Variants in AMMECR1 observed in about 807,000 individuals in gnomAD.
The protein encoded by AMMECR1 is nuclear protein AMMECR1.
Under a neutral mutation model 22.5 loss-of-function variants are expected in AMMECR1, and 3 were observed. The ratio of observed to expected loss-of-function variants is 0.13; its 90% CI spans 0.06 to 0.35. The LOEUF (loss-of-function observed/expected upper bound fraction) is 0.35, where lower values mean the gene tolerates loss of function less well. Among genes scored for constraint, AMMECR1 ranks in the 10% least tolerant of loss-of-function variants. The probability of loss-of-function intolerance (pLI) is 1.00; values close to 1 mark genes in which losing one functional copy is unlikely to be tolerated. For synonymous variants in AMMECR1, 130 were observed against 116.7 expected, an observed-to-expected ratio of 1.11 and a Z score of -0.74; for missense variants, 235 against 278.7, an observed-to-expected ratio of 0.84 and a Z score of 1.12.
At chrX:110,253,069 G>A (rs745553919) in intron 2 of AMMECR1, among the ~76,000 whole-genome samples, 1 of 112,025 alleles carries the variant, frequency 8.9e-6, no homozygotes, top group East Asian at 2.8e-4. Context: ...CCCTGGCGGG[G>A]ACCATGCTTG....
chrX:110,432,511 TG>T (rs2068804937), intron 1 of AMMECR1, among the ~76,000 whole-genome samples: 1 of 111,946 alleles, frequency 8.9e-6, no homozygotes, highest in Non-Finnish European at 1.9e-5. Flanking sequence ...GAGGCAGCGT[TG>T]GGGGCCGTCA....
At chrX:110,401,156 G>T (rs1287346710) in intron 2 of AMMECR1, among the ~76,000 whole-genome samples, 1 of 112,431 alleles carries the variant, frequency 8.9e-6, no homozygotes, top group Non-Finnish European at 1.9e-5. Flanking sequence ...TACATAGCAA[G>T]TAGGCTGCAA....
chrX:110,288,042 G>T (rs962645107), intron 1 of AMMECR1, among the ~76,000 whole-genome samples: 1 of 112,123 alleles, frequency 8.9e-6, no homozygotes, highest in African/African-American at 3.2e-5. Context: ...TAAGAAAATA[G>T]CTATGAATGA....
chrX:110,431,762 A>C (rs1233571354), intron 1 of AMMECR1, among the ~76,000 whole-genome samples: 3 of 111,672 alleles, frequency 2.7e-5, no homozygotes, highest in African/African-American at 9.8e-5. Context: ...ACCAGGACTC[A>C]CTGCTAGAAA....
Position 110,290,183 on chromosome X carries a change from C to T in AMMECR1, c.474-25584G>A, listed in dbSNP as rs60283568. 3.6e-3 allele frequency among the ~76,000 whole-genome samples: 405 copies of T among 111,547 alleles called. 3 individuals carry two copies. Among genetic ancestry groups the T allele is most frequent in the Admixed American group, 0.024 (258 of 10,538 alleles). On this transcript the variant is annotated intron_variant, in intron 1 of 5. Coordinates refer to ENST00000262844, the MANE Select transcript of AMMECR1 (RefSeq NM_015365.3). ...CAATGCTTTCCCAGTAACAGTCATC[C>T]CCTATAATGAAAAAATATTTATGTG... is the stretch of plus-strand genomic sequence containing the variant.
In AMMECR1 at chrX:110,420,730, A is replaced by G. The variant is rs1028725956; in HGVS notation, c.-148+5928T>C. On this transcript the variant is annotated intron_variant, in intron 2 of 7. Transcript: ENST00000372057. ...TGGTTTTTTAAACAGAATTTGCTTC[A>G]GTCAGTGCTGCACCACATTTTCCCA... Among the ~76,000 whole-genome samples, 5 of 112,103 alleles carry G rather than the reference A, an allele frequency of 4.5e-5. No homozygotes were observed. The East Asian group carries it at 1.4e-3, about 31-fold the overall frequency.
intron 1 of AMMECR1, among the ~76,000 whole-genome samples, chrX:110,437,751 C>A (rs1378383196): frequency 9.0e-6 from 1 of 111,264 alleles, no homozygotes; most frequent in African/African-American, 3.3e-5. Context: ...TTAGTGTGGT[C>A]CCCTCCTTTG....
chrX:110,258,874 G>C (rs1295165884), intron 2 of AMMECR1, among the ~76,000 whole-genome samples: 1 of 111,566 alleles, frequency 9.0e-6, no homozygotes, highest in East Asian at 2.8e-4. Flanking sequence ...TGTTCACAAT[G>C]AGCCTAGAGT....
At position 110,237,899 on chromosome X, in the gene AMMECR1, C is replaced by A. The variant is rs751192259; in HGVS notation, c.585-21267G>T. Among the ~76,000 whole-genome samples, 316 of 112,257 alleles carry A rather than the reference C, an allele frequency of 2.8e-3. 1 individual carries two copies. Among genetic ancestry groups the A allele is most frequent in the African/African-American group, 9.1e-3 (280 of 30,919 alleles). ...ATTTCAAAATTTGTGCTAATTCAAA[C>A]AGACCTAGACTGAAAGTTTTCCTTA... On this transcript the variant is annotated intron_variant, in intron 2 of 5. Transcript: ENST00000262844.
intron 2 of AMMECR1, among the ~76,000 whole-genome samples, chrX:110,336,552 A>C: frequency 9.1e-6 from 1 of 110,021 alleles, no homozygotes; most frequent in African/African-American, 3.3e-5. Context: ...AACAAAACAA[A>C]AAAACAAAAA....
chrX:110,378,216 TG>T (rs1356093259), intron 2 of AMMECR1, among the ~76,000 whole-genome samples: 2 of 111,112 alleles, frequency 1.8e-5, no homozygotes, highest in African/African-American at 6.6e-5. Context: ...TCTTTGGGTA[TG>T]GGAAGGTCCT....
At chrX:110,276,004 C>T (rs887180722) in intron 1 of AMMECR1, among the ~76,000 whole-genome samples, 1 of 110,166 alleles carries the variant, frequency 9.1e-6, no homozygotes, top group Non-Finnish European at 1.9e-5. Flanking sequence ...CTCTCCTTTC[C>T]TTATGGGACT....
chrX:110,393,548 C>T (rs778171890), intron 2 of AMMECR1, among the ~76,000 whole-genome samples: 66 of 111,765 alleles, frequency 5.9e-4, no homozygotes, highest in African/African-American at 2.1e-3. Flanking sequence ...ACTCCTAAGG[C>T]CTGTGCTATT....
At chrX:110,421,046 C>T (rs2068713840) in intron 2 of AMMECR1, among the ~76,000 whole-genome samples, 1 of 112,006 alleles carries the variant, frequency 8.9e-6, no homozygotes, top group Non-Finnish European at 1.9e-5. Flanking sequence ...CGTGAAAAGG[C>T]AATCATGATA....
At chrX:110,274,504 C>T (rs13440689) in intron 1 of AMMECR1, among the ~76,000 whole-genome samples, 4 of 111,766 alleles carry the variant, frequency 3.6e-5, no homozygotes, top group African/African-American at 9.7e-5. Context: ...CCTCATTCCT[C>T]GTAACACTGC....
chrX:110,380,106 A>G (rs1163024658), intron 2 of AMMECR1, among the ~76,000 whole-genome samples: 1 of 111,520 alleles, frequency 9.0e-6, no homozygotes, highest in Admixed American at 9.5e-5. Context: ...TGGTGTTTCA[A>G]CAGATGGGAA....
intron 2 of AMMECR1, among the ~76,000 whole-genome samples, chrX:110,247,533 A>G (rs2148189873): frequency 8.9e-6 from 1 of 111,888 alleles, no homozygotes; most frequent in Admixed American, 9.4e-5. Context: ...TCTACAAAAA[A>G]TACAAAAATT....
intron 1 of AMMECR1, among the ~76,000 whole-genome samples, chrX:110,434,695 A>T (rs2068823385): frequency 9.0e-6 from 1 of 111,109 alleles, no homozygotes; most frequent in South Asian, 3.9e-4. Context: ...CTGGGTTTGG[A>T]GTGCTGGATA....
intron 2 of AMMECR1, among the ~76,000 whole-genome samples, chrX:110,356,556 T>A (rs1395119468): frequency 9.0e-6 from 1 of 111,242 alleles, no homozygotes; most frequent in East Asian, 2.8e-4. Flanking sequence ...AGCTTTTTAA[T>A]GTTCTTACCA....
Sources: allele counts gnomAD v4.1 joint callset (sites outside exome capture counted in the v4.1 genomes callset), GRCh38; gene constraint gnomAD v4.1.1; transcripts MANE v1.5; gene names NCBI Gene and HGNC (gene_info 2026-07-23, HGNC 2026-07-21).